Variants in ZNF177 observed in about 807,000 individuals in gnomAD.
ZNF177 encodes zinc finger protein 177.
In ZNF177, 17 loss-of-function variants were observed where a neutral mutation model predicts 19.4. The ratio of observed to expected loss-of-function variants is 0.87; its 90% confidence interval spans 0.60 to 1.31. ZNF177 has a LOEUF of 1.31. ZNF177 is among the 40% of genes most tolerant of loss of function. The pLI is 0.00. For synonymous variants in ZNF177, 220 were observed against 188.7 expected, an observed-to-expected ratio of 1.17 and a Z score of -1.36; for missense variants, 633 against 561.8, an observed-to-expected ratio of 1.13 and a Z score of -1.28.
At chr19:9,370,386 G>A (rs1405404857) in intron 2 of ZNF177, among the ~76,000 whole-genome samples, 1 of 151,006 alleles carries the variant, frequency 6.6e-6, no homozygotes, top group East Asian at 1.9e-4. Flanking sequence ...AGTACAATAA[G>A]TGTTATGTAA....
At chr19:9,363,605 C>CT (rs1392746289) in intron 1 of ZNF177, among the ~76,000 whole-genome samples, 1 of 151,972 alleles carries the variant, frequency 6.6e-6, no homozygotes, top group African/African-American at 2.4e-5. Flanking sequence ...TTTTGAAAGT[C>CT]AAGTTGTTGG....
exon 6 of ZNF177, chr19:9,380,966 C>T: frequency 1.3e-6 from 2 of 1,541,358 alleles, no homozygotes; most frequent in Non-Finnish European, 1.7e-6. Flanking sequence ...TGTGATATGT[C>T]CTTCAGCCTA....
At chr19:9,380,946 G>A in exon 6 of ZNF177, 1 of 1,536,484 alleles carries the variant, frequency 6.5e-7, no homozygotes, top group Non-Finnish European at 8.7e-7. Context: ...AGTTTCAGGA[G>A]TATGAGCAAT....
At chr19:9,364,712 C>T (rs2067954237) in intron 1 of ZNF177, 150 bp from the exon 2 acceptor site, 1 of 152,080 alleles carries the variant, frequency 6.6e-6, no homozygotes, top group Non-Finnish European at 1.5e-5. Context: ...GTGTCTTGTA[C>T]TTAGAATCCT....
upstream of ZNF177, among the ~76,000 whole-genome samples, chr19:9,375,345 C>A (rs1313454738): frequency 6.6e-6 from 1 of 152,106 alleles, no homozygotes; most frequent in Non-Finnish European, 1.5e-5. Flanking sequence ...TAATGCTGAC[C>A]TCATAAAATG....
At chr19:9,370,268 T>G (rs1350972962) in intron 2 of ZNF177, among the ~76,000 whole-genome samples, 1 of 152,140 alleles carries the variant, frequency 6.6e-6, no homozygotes, top group East Asian at 1.9e-4. Flanking sequence ...ACAAATTCCT[T>G]ATATAAAATA....
At chr19:9,381,714 T>C in exon 6 of ZNF177, 2 of 1,614,086 alleles carry the variant, frequency 1.2e-6, no homozygotes, top group Admixed American at 1.7e-5. Flanking sequence ...AAAAAGCCTT[T>C]AGCACAAGCA....
At chr19:9,380,941 C>G in exon 6 of ZNF177, 1 of 1,536,088 alleles carries the variant, frequency 6.5e-7, no homozygotes. Context: ...ACAGAAGTTT[C>G]AGGAGTATGA....
At chr19:9,379,040 C>A (rs760330281) in exon 3 of ZNF177, 1 of 1,611,398 alleles carries the variant, frequency 6.2e-7, no homozygotes. Flanking sequence ...TCAAAAAAAT[C>A]TATACAAAGA....
chr19:9,371,009 G>A lies in ZNF177; in HGVS notation c.-304-601G>A, dbSNP rs571118683. Among the ~76,000 whole-genome samples the A allele has an allele frequency of 3.3e-5, 5 of 152,310 alleles. No individual in the cohort carries two copies. In the South Asian group the frequency reaches 1.0e-3, roughly 32 times the overall value. ...TTTAAATGCTCATTTCAAGTATTCA[G>A]TAGCTATCCGTACATGATTAGTGGT... On this transcript the variant is annotated intron_variant, in intron 2 of 8. Transcript: ENST00000343499.
chr19:9,378,159 T>G, intron 1 of ZNF177, 100 bp from the exon 4 acceptor site: 1 of 1,065,362 alleles, frequency 9.4e-7, no homozygotes, highest in South Asian at 1.9e-5. Context: ...CTACACTCTA[T>G]GTGTATGTTG....
intron 1 of ZNF177, among the ~76,000 whole-genome samples, chr19:9,363,830 T>A (rs2067940111): frequency 6.6e-6 from 1 of 152,216 alleles, no homozygotes; most frequent in South Asian, 2.1e-4. Flanking sequence ...TACGACCCAC[T>A]CCTGCCCTAC....
At position 9,380,523 on chromosome 19, in the gene ZNF177, G is replaced by C. The variant is rs1417690810; in HGVS notation, c.337-145G>C. On this transcript the variant is annotated intron_variant, in intron 5 of 5. Transcript: ENST00000589262. Reference sequence around the variant, plus strand: ...ACTCGAAAAAGCTAATAGGGCAAAAGTCATACGCACCTACTGAAAATGGTA... The same window carrying C: ...ACTCGAAAAAGCTAATAGGGCAAAACTCATACGCACCTACTGAAAATGGTA... 3.3e-6 allele frequency: 5 copies of C among 1,500,288 alleles called. No individual in the cohort carries two copies. In the Admixed American group the frequency reaches 8.2e-5, roughly 25 times the overall value. The allele number at this position is 1,500,288 out of a possible 1,614,324, so 92.9% of individuals were successfully genotyped here.
chr19:9,376,646 C>T (rs73508733), intron 1 of ZNF177, among the ~76,000 whole-genome samples: 2,372 of 152,274 alleles, frequency 0.016, 60 homozygotes, highest in African/African-American at 0.053. Flanking sequence ...CTGTTAACAG[C>T]TTAGCTTTGA....
upstream of ZNF177, among the ~76,000 whole-genome samples, chr19:9,375,122 G>A (rs1053981631): frequency 6.6e-6 from 1 of 152,122 alleles, no homozygotes; most frequent in Non-Finnish European, 1.5e-5. Context: ...CCTTCATTCT[G>A]TTGATGTGAT....
At chr19:9,380,641 A>C (rs1000485563) in intron 5 of ZNF177, 27 bp from the exon 8 acceptor site, 4 of 1,536,030 alleles carry the variant, frequency 2.6e-6, no homozygotes, top group Non-Finnish European at 3.5e-6. Context: ...AAAAGCCTCT[A>C]GTCACCACTT....
chr19:9,381,103 T>C (rs762850346), exon 6 of ZNF177: 3 of 1,613,122 alleles, frequency 1.9e-6, no homozygotes, highest in African/African-American at 1.3e-5. Context: ...GGGTTTGGAA[T>C]GTAATGAACA....
At chr19:9,371,952 A>G (rs145804920), upstream of ZNF177, among the ~76,000 whole-genome samples, 30 of 152,304 alleles carry the variant, frequency 2.0e-4, no homozygotes, top group Non-Finnish European at 3.5e-4. Context: ...AAGCTTTTAT[A>G]TATTTTAAAA....
intron 1 of ZNF177, among the ~76,000 whole-genome samples, chr19:9,377,274 A>G (rs544947559): frequency 8.9e-4 from 136 of 152,322 alleles, no homozygotes; most frequent in African/African-American, 3.1e-3. Context: ...TAGATTATAT[A>G]CAGTACATAA....
Sources: gnomAD v4.1 joint callset for allele counts (sites outside exome capture counted in the v4.1 genomes callset) on GRCh38, gnomAD v4.1.1 for gene constraint, MANE v1.5 for transcripts, NCBI Gene and HGNC (gene_info 2026-07-23, HGNC 2026-07-21) for gene names.